The following FHIT variants were observed in gnomAD, a reference collection of about 807,000 sequenced individuals.
FHIT encodes bis(5'-adenosyl)-triphosphatase.
Under a neutral mutation model 17.9 loss-of-function variants are expected in FHIT, and 19 were observed. The ratio of observed to expected loss-of-function variants is 1.06; its 90% CI spans 0.74 to 1.56. The LOEUF (loss-of-function observed/expected upper bound fraction) is 1.56. FHIT is among the 40% of genes most tolerant of loss of function. The pLI is 0.00. For missense variants in FHIT, 248 were observed against 189.2 expected, an observed-to-expected ratio of 1.31 and a Z score of -1.82; for synonymous variants, 81 against 69.7, an observed-to-expected ratio of 1.16 and a Z score of -0.81.
At chr3:59,838,993 C>A (rs896559255) in intron 8 of FHIT, among the ~76,000 whole-genome samples, 1 of 152,072 alleles carries the variant, frequency 6.6e-6, no homozygotes, top group Non-Finnish European at 1.5e-5. Context: ...AAAAAGAGAT[C>A]TATTCCACAA....
intron 5 of FHIT, among the ~76,000 whole-genome samples, chr3:60,397,391 G>A (rs957235296): frequency 1.3e-5 from 2 of 152,126 alleles, no homozygotes; most frequent in Admixed American, 1.3e-4. Context: ...GGAGTCTTAG[G>A]CTCCAGGGTA....
intron 7 of FHIT, among the ~76,000 whole-genome samples, chr3:59,958,020 G>A (rs116343481): frequency 0.013 from 1,949 of 152,326 alleles, 16 homozygotes; most frequent in Non-Finnish European, 0.02. Context: ...AGCTACATGT[G>A]TATTTTTCCA....
intron 7 of FHIT, among the ~76,000 whole-genome samples, chr3:59,947,403 T>C (rs1405690124): frequency 6.6e-6 from 1 of 152,212 alleles, no homozygotes; most frequent in African/African-American, 2.4e-5. Context: ...ATCTTCTTTT[T>C]TCCTTATTAG....
At chr3:60,221,240 A>T (rs757011076) in intron 5 of FHIT, among the ~76,000 whole-genome samples, 8 of 152,192 alleles carry the variant, frequency 5.3e-5, no homozygotes, top group Non-Finnish European at 1.2e-4. Flanking sequence ...GGCATATGTT[A>T]TAATCAACAG....
chr3:60,298,271 T>A (rs906569169), intron 5 of FHIT, among the ~76,000 whole-genome samples: 1 of 151,954 alleles, frequency 6.6e-6, no homozygotes, highest in East Asian at 1.9e-4. Context: ...CTCCCTAGAG[T>A]CAGGAGATAA....
intron 2 of FHIT, among the ~76,000 whole-genome samples, chr3:61,091,523 C>A (rs891082895): frequency 6.6e-6 from 1 of 152,238 alleles, no homozygotes; most frequent in South Asian, 2.1e-4. Flanking sequence ...ATCAAATCAA[C>A]GTATTAGTTA....
At chr3:59,772,889 G>C (rs1311509691) in intron 8 of FHIT, among the ~76,000 whole-genome samples, 4 of 152,120 alleles carry the variant, frequency 2.6e-5, no homozygotes, top group African/African-American at 9.7e-5. Flanking sequence ...GGAAGTGTAG[G>C]GCCAGGGCCC....
intron 7 of FHIT, among the ~76,000 whole-genome samples, chr3:59,965,961 C>T (rs1253510801): frequency 1.3e-5 from 2 of 152,096 alleles, no homozygotes. Flanking sequence ...ATGTCACCGT[C>T]TTAAAGGCCT....
intron 3 of FHIT, among the ~76,000 whole-genome samples, chr3:60,882,095 A>T (rs554993454): frequency 2.0e-3 from 299 of 152,260 alleles, no homozygotes; most frequent in Non-Finnish European, 3.8e-3. Context: ...ATCATTAGAG[A>T]CTAGTACAAA....
At chr3:60,938,856 A>G (rs2107403420) in intron 3 of FHIT, among the ~76,000 whole-genome samples, 1 of 152,330 alleles carries the variant, frequency 6.6e-6, no homozygotes, top group Middle Eastern at 3.4e-3. Context: ...TTTGAATGGG[A>G]AAGCCTTTCT....
rs1192561103 is a variant in FHIT, at chr3:60,397,337, T to TAA, written c.103+139521_103+139522dup. ...AGGAAGAACTTCCAGACCATGATGC[T>TAA]AATGCTTGTGAAGCAGAGGAAGAGA... On this transcript the variant is annotated intron_variant, in intron 5 of 9. Coordinates refer to ENST00000492590, the MANE Select transcript of FHIT (RefSeq NM_002012.4). Among the ~76,000 whole-genome samples, 4 of 152,264 alleles carry TAA rather than the reference T, an allele frequency of 2.6e-5. No homozygotes were observed. The East Asian group carries it at 7.8e-4, about 30-fold the overall frequency.
intron 1 of FHIT, among the ~76,000 whole-genome samples, chr3:61,236,213 A>G (rs943280483): frequency 3.0e-4 from 45 of 147,932 alleles, no homozygotes; most frequent in African/African-American, 1.0e-3. Context: ...ATATTATATT[A>G]TATGTTATAA....
intron 5 of FHIT, among the ~76,000 whole-genome samples, chr3:60,176,835 G>C (rs1192085260): frequency 1.3e-5 from 2 of 152,112 alleles, no homozygotes; most frequent in African/African-American, 4.8e-5. Context: ...TTTGGCTATC[G>C]AGCCATAAAA....
intron 5 of FHIT, among the ~76,000 whole-genome samples, chr3:60,277,693 C>G (rs1291262538): frequency 6.6e-6 from 1 of 152,166 alleles, no homozygotes; most frequent in Non-Finnish European, 1.5e-5. Flanking sequence ...CCAATGCACT[C>G]TGCCACAGGC....
intron 4 of FHIT, among the ~76,000 whole-genome samples, chr3:60,795,070 C>T (rs1700929991): frequency 6.6e-6 from 1 of 152,166 alleles, no homozygotes; most frequent in Admixed American, 6.5e-5. Context: ...CACACTTTTA[C>T]TCAAATGTCG....
At chr3:60,764,130 T>C (rs1699762925) in intron 4 of FHIT, among the ~76,000 whole-genome samples, 1 of 151,998 alleles carries the variant, frequency 6.6e-6, no homozygotes, top group Non-Finnish European at 1.5e-5. Flanking sequence ...GCGTGGTATG[T>C]TTTCCATCAT....
chr3:60,164,809 G>T (rs1437860698), intron 5 of FHIT, among the ~76,000 whole-genome samples: 1 of 152,042 alleles, frequency 6.6e-6, no homozygotes, highest in South Asian at 2.1e-4. Context: ...ATTTAAAGCA[G>T]AATTTTACCT....
At chr3:60,332,426 A>G (rs1191051142) in intron 5 of FHIT, among the ~76,000 whole-genome samples, 1 of 152,222 alleles carries the variant, frequency 6.6e-6, no homozygotes, top group Non-Finnish European at 1.5e-5. Flanking sequence ...AGCAGACAGT[A>G]TCATCACAGA....
rs79017378 is a variant in FHIT, at chr3:61,087,613, C to T, written c.-163-45514G>A. On this transcript the variant is annotated intron_variant, in intron 2 of 9. Transcript: ENST00000492590. ...TATTGTGATGACTGACAATGATGCTCATGATGATAATGATGACAAAAACAA... is the reference window on the plus strand; with the variant it reads ...TATTGTGATGACTGACAATGATGCTTATGATGATAATGATGACAAAAACAA... Among the ~76,000 whole-genome samples, 109 of 152,238 alleles carry T rather than the reference C, an allele frequency of 7.2e-4. No homozygotes were observed. In the East Asian group the frequency reaches 0.02, roughly 28 times the overall value.
Sources: allele counts gnomAD v4.1 joint callset (sites outside exome capture counted in the v4.1 genomes callset), GRCh38; gene constraint gnomAD v4.1.1; transcripts MANE v1.5; gene names NCBI Gene and HGNC (gene_info 2026-07-23, HGNC 2026-07-21).